The following NLRP13 variants were observed in gnomAD, a reference collection of about 807,000 sequenced individuals.
NLRP13 encodes the protein NLR family pyrin domain containing 13.
Under a neutral mutation model 94.4 loss-of-function variants are expected in NLRP13, and 82 were observed. The ratio of observed to expected loss-of-function variants is 0.87; its 90% CI spans 0.73 to 1.04. The LOEUF (loss-of-function observed/expected upper bound fraction) is 1.04. NLRP13 is among the 50% of genes least tolerant of loss of function. The probability of loss-of-function intolerance (pLI) is 0.00; values close to 1 mark genes in which losing one functional copy is unlikely to be tolerated. For missense variants in NLRP13, 1,426 were observed against 1,230.8 expected (o/e 1.16, Z -2.37); for synonymous variants, 553 against 464.7 (o/e 1.19, Z -2.45).
rs769399494 is a variant in NLRP13 at position 55,910,560 on chromosome 19, T to TA, written c.2282+2dup. On this transcript the variant is annotated splice_region_variant and intron_variant, in intron 6 of 10. Transcript: ENST00000342929. Reference sequence around the variant, plus strand: ...TCTTGAGCTGCTGGCGTCTCACACTTACGTCAGTTTCTGGACTTTGCATCT... The same window carrying TA: ...TCTTGAGCTGCTGGCGTCTCACACTTAACGTCAGTTTCTGGACTTTGCATCT... 6.9e-6 allele frequency: 11 copies of TA among 1,592,052 alleles called. No homozygotes were observed. The highest frequency in any genetic ancestry group is 1.7e-5 in the Admixed American group (1 of 58,334).
At position 55,900,652 on chromosome 19, in the gene NLRP13, C is replaced by T. The variant is rs969682695; in HGVS notation, c.2789+1383G>A. On this transcript the variant is annotated intron_variant, in intron 9 of 10. Transcript: ENST00000342929. ...TTAGCCGGGCATGGTGGCGGGCACC[C>T]GTAGTCCCAGCTACACGGGAGGCTG... Among the ~76,000 whole-genome samples, 8 of 151,464 alleles carry T rather than the reference C, an allele frequency of 5.3e-5. No homozygotes were observed. The South Asian group carries it at 8.3e-4, about 16-fold the overall frequency.
Position 55,898,829 on chromosome 19 carries a change from ATC to A in NLRP13, c.2896_2897del (p.Asp966Ter). On this transcript the variant is annotated frameshift_variant, in exon 10 of 11. Coordinates refer to ENST00000342929, the MANE Select transcript of NLRP13 (RefSeq NM_176810.2). LOFTEE classifies it high-confidence loss of function. Reference sequence around the variant, plus strand: ...CCTCACACAGTAGCTTCACTCCATCATCCTGAAGATCATTTTCTCCCAAATCC... The same window carrying A: ...CCTCACACAGTAGCTTCACTCCATCACTGAAGATCATTTTCTCCCAAATCC... ...ILDLGENDLQ[D>X]DGVKLLCEAL... The A allele has an allele frequency of 6.2e-7, 1 of 1,614,002 alleles. No individual in the cohort carries two copies. The highest frequency in any genetic ancestry group is 8.5e-7 in the Non-Finnish European group (1 of 1,179,934).
intron 1 of NLRP13, among the ~76,000 whole-genome samples, chr19:55,927,671 A>T (rs566768210): frequency 8.8e-4 from 133 of 151,978 alleles, no homozygotes; most frequent in African/African-American, 2.3e-3. Context: ...GCTTTCAGAT[A>T]AAAAAAACTA....
At chr19:55,920,647 C>G (rs1177975602) in intron 4 of NLRP13, among the ~76,000 whole-genome samples, 1 of 152,070 alleles carries the variant, frequency 6.6e-6, no homozygotes, top group Non-Finnish European at 1.5e-5. Context: ...CACTTGTACA[C>G]TGTTGGTGTG....
intron 8 of NLRP13, among the ~76,000 whole-genome samples, chr19:55,903,082 CTAAT>C (rs1348134438): frequency 2.0e-5 from 3 of 151,466 alleles, no homozygotes; most frequent in African/African-American, 4.8e-5. Context: ...TATAATTATA[CTAAT>C]TATTAGGGCT....
chr19:55,914,092 ACT>A (rs1169560684), intron 4 of NLRP13, among the ~76,000 whole-genome samples: 2 of 151,982 alleles, frequency 1.3e-5, no homozygotes, highest in Non-Finnish European at 2.9e-5. Context: ...GAGGGCTTAG[ACT>A]CTAGGTTGCC....
At chr19:55,915,657 C>T (rs949155342) in intron 4 of NLRP13, among the ~76,000 whole-genome samples, 9 of 151,970 alleles carry the variant, frequency 5.9e-5, no homozygotes, top group Non-Finnish European at 1.5e-5. Context: ...AGAGAATATT[C>T]GAGCCCAACA....
In NLRP13 at chr19:55,912,308, A is replaced by G. The variant is rs150065454; in HGVS notation, c.1509T>C (p.Thr503=). ...SMNFTFNKED[T]EIEGLEVPFI... ...AAGGCACTTCCAGGCCCTCGATCTC[A>G]GTGTCTTCTTTGTTAAACGTGAAGT... Residue 503 remains threonine (T), a synonymous_variant, in exon 5 of 11, where the codon ACT becomes ACC. Transcript: ENST00000342929. 6.2e-6 allele frequency: 10 copies of G among 1,613,666 alleles called. No homozygotes were observed. Among genetic ancestry groups the G allele is most frequent in the African/African-American group, 2.7e-5 (2 of 74,912 alleles).
In NLRP13 at chr19:55,910,697, G is replaced by A. The variant is rs144412914; in HGVS notation, c.2148C>T (p.Asn716=). Residue 716 remains asparagine, a synonymous_variant, in exon 6 of 11, where the codon AAC becomes AAT. Coordinates refer to ENST00000342929, the MANE Select transcript of NLRP13 (RefSeq NM_176810.2). ...TTGTGACCAACGTAGAGCAAATGCT[G>A]TTCCATGCGTGCATCCTGGAATCAA... ...SKFDSRMHAW[N]SICSTLVTNE... The A allele has an allele frequency of 2.5e-6, 4 of 1,611,718 alleles. No individual in the cohort carries two copies. The East Asian group carries it at 6.7e-5, about 27-fold the overall frequency.
chr19:55,907,775 G>C lies in NLRP13; in HGVS notation c.2447+17C>G. On this transcript the variant is annotated intron_variant, in intron 7 of 10. Transcript: ENST00000342929. ...CTTGCAACCCCCCTTGACAGATCTAGGGAGCCAAAGACTTACCACAGATAC... is the reference window on the plus strand; with the variant it reads ...CTTGCAACCCCCCTTGACAGATCTACGGAGCCAAAGACTTACCACAGATAC... The C allele has an allele frequency of 2.5e-6, 4 of 1,613,184 alleles. No homozygotes were observed. Among genetic ancestry groups the C allele is most frequent in the Middle Eastern group, 1.7e-4 (1 of 6,054 alleles).
At chr19:55,891,924 C>T (rs890523842), downstream of NLRP13, 7 of 402,164 alleles carry the variant, frequency 1.7e-5, no homozygotes, top group African/African-American at 4.1e-5. Context: ...GACATTGGAG[C>T]GACACACAGG....
At chr19:55,930,898 A>ATATATAT in intron 1 of NLRP13, among the ~76,000 whole-genome samples, 5 of 104,840 alleles carry the variant, frequency 4.8e-5, no homozygotes, top group Admixed American at 1.1e-4. Flanking sequence ...ATATATATAT[A>ATATATAT]AAATTTTAAC....
At chr19:55,901,443 AGTC>A (rs1001292647) in intron 9 of NLRP13, among the ~76,000 whole-genome samples, 25 of 152,002 alleles carry the variant, frequency 1.6e-4, no homozygotes, top group Non-Finnish European at 4.4e-5. Context: ...GAGGGGGAAA[AGTC>A]GTCTGCGATG....
chr19:55,907,342 C>G (rs1175047203), intron 7 of NLRP13, among the ~76,000 whole-genome samples: 1 of 152,146 alleles, frequency 6.6e-6, no homozygotes, highest in African/African-American at 2.4e-5. Flanking sequence ...GAGGCCGAGG[C>G]AAGCAGATTG....
In NLRP13 at chr19:55,907,262, A is replaced by C. The variant is rs150667848; in HGVS notation, c.2447+530T>G. On this transcript the variant is annotated intron_variant, in intron 7 of 10. Coordinates refer to ENST00000342929, the MANE Select transcript of NLRP13 (RefSeq NM_176810.2). The stretch of plus-strand genomic sequence containing the variant: ...CATGAGCCACCACACCTGGCCTGGA[A>C]TCTGTATTTTAAAACACCCACTAGG... Among the ~76,000 whole-genome samples, 1,258 of 151,890 alleles carry C rather than the reference A, an allele frequency of 8.3e-3. 55 individuals carry two copies. Among genetic ancestry groups the C allele is most frequent in the Admixed American group, 0.066 (1,010 of 15,268 alleles).
At chr19:55,894,329 A>G (rs1332381603), downstream of NLRP13, among the ~76,000 whole-genome samples, 2 of 152,176 alleles carry the variant, frequency 1.3e-5, no homozygotes, top group South Asian at 2.1e-4. Context: ...GGCATGAGCA[A>G]CTGCAGCCAA....
intron 4 of NLRP13, among the ~76,000 whole-genome samples, chr19:55,918,440 G>C (rs1328365919): frequency 1.3e-5 from 2 of 151,860 alleles, no homozygotes; most frequent in African/African-American, 4.8e-5. Context: ...TAAAACCAAA[G>C]CTTGGTTACT....
At chr19:55,930,770 G>A (rs1200157220) in intron 1 of NLRP13, among the ~76,000 whole-genome samples, 1 of 149,196 alleles carries the variant, frequency 6.7e-6, no homozygotes, top group Non-Finnish European at 1.5e-5. Context: ...GCTCTCATAG[G>A]CAGTCAGTTC....
downstream of NLRP13, chr19:55,892,008 C>T (rs1985864026): frequency 2.1e-6 from 2 of 970,170 alleles, no homozygotes; most frequent in African/African-American, 3.4e-5. Flanking sequence ...GGATCACCAC[C>T]ACCACTTGTC....
Sources: gnomAD v4.1 joint callset for allele counts (sites outside exome capture counted in the v4.1 genomes callset) on GRCh38, gnomAD v4.1.1 for gene constraint, MANE v1.5 for transcripts, NCBI Gene and HGNC (gene_info 2026-07-23, HGNC 2026-07-21) for gene names.